Variants in SHANK2 observed in about 807,000 individuals in gnomAD.
The protein encoded by SHANK2 is SH3 and multiple ankyrin repeat domains protein 2.
SHANK2 carries 43 observed loss-of-function variants against 133.7 expected under a neutral mutation model. The observed-to-expected ratio is 0.32, with a 90% CI of 0.25 to 0.41. SHANK2 has a LOEUF of 0.41. SHANK2 is among the 10% of genes least tolerant of loss of function. SHANK2 has a pLI of 1.00. For synonymous variants in SHANK2, 1,017 were observed against 952.8 expected (o/e 1.07, Z -1.24); for missense variants, 1,994 against 2,235.8 (o/e 0.89, Z 2.18).
At chr11:70,501,381 G>A (rs2059048465) in intron 20 of SHANK2, among the ~76,000 whole-genome samples, 1 of 152,242 alleles carries the variant, frequency 6.6e-6, no homozygotes. Flanking sequence ...GAGAGCACCA[G>A]CCAGGGCTTG....
intron 17 of SHANK2, among the ~76,000 whole-genome samples, chr11:70,579,547 G>A (rs1394664232): frequency 2.6e-5 from 4 of 152,128 alleles, no homozygotes; most frequent in African/African-American, 9.7e-5. Context: ...AGGCCTGGGC[G>A]GTGATGGCAT....
At chr11:70,792,372 C>G (rs998872828) in intron 14 of SHANK2, among the ~76,000 whole-genome samples, 1 of 148,856 alleles carries the variant, frequency 6.7e-6, no homozygotes, top group Admixed American at 6.8e-5. Flanking sequence ...ATTAACCAAC[C>G]AACCAACCAA....
At chr11:71,085,675 AT>A (rs1489877343) in intron 8 of SHANK2, among the ~76,000 whole-genome samples, 116 of 6,596 alleles carry the variant, frequency 0.018, no homozygotes, top group Admixed American at 0.039. Flanking sequence ...TATATGTTAT[AT>A]ATATAATATA....
Position 70,472,766 on chromosome 11 carries a change from G to T in SHANK2, c.*103C>A. 1 of 1,135,472 alleles carries T rather than the reference G, an allele frequency of 8.8e-7. No individual in the cohort carries two copies. Among genetic ancestry groups the T allele is most frequent in the Non-Finnish European group, 1.3e-6 (1 of 745,742 alleles). 70.3% of individuals were successfully genotyped at this position (1,135,472 alleles called of 1,614,324 possible). A position where few individuals can be genotyped will look rare whatever the true frequency, so the allele number is the denominator to read the frequency against. Reference sequence around the variant, plus strand: ...GGGTACCAGGAGACAAACCCATGGAGTGGGGTTGATGCTCACAGACTTCGC... The same window carrying T: ...GGGTACCAGGAGACAAACCCATGGATTGGGGTTGATGCTCACAGACTTCGC... On this transcript the variant is annotated 3_prime_UTR_variant, in exon 26 of 26. Coordinates refer to ENST00000601538, the MANE Select transcript of SHANK2 (RefSeq NM_012309.5). The surrounding 1 kb of genome is among the most constrained non-coding windows in gnomAD (Gnocchi z 4.4).
Position 71,101,311 on chromosome 11 carries a change from G to A in SHANK2, c.593-6623C>T, listed in dbSNP as rs182260663. Among the ~76,000 whole-genome samples the A allele has an allele frequency of 1.1e-3, 171 of 152,216 alleles. 1 individual carries two copies. Among genetic ancestry groups the A allele is most frequent in the African/African-American group, 3.8e-3 (158 of 41,526 alleles). On this transcript the variant is annotated intron_variant, in intron 6 of 25. Transcript: ENST00000601538. ...GCCGCATTTTCCTTACTGAAGGCAC[G>A]GCACCTCGCTCCATCTAAGAGTCAC...
rs1948128804 is a variant in SHANK2 at position 70,804,969 on chromosome 11, T to C, written c.1663+2033A>G. On this transcript the variant is annotated intron_variant, in intron 13 of 25. Transcript: ENST00000601538. The surrounding 1 kb of genome is among the most constrained non-coding windows in gnomAD (Gnocchi z 4.1). ...CCCACTCCCATGGGCCTCTGCTCTA[T>C]GTCTAAGGGACTGGGGACATGTGCC... Among the ~76,000 whole-genome samples the C allele has an allele frequency of 1.3e-5, 2 of 152,184 alleles. No individual in the cohort carries two copies. Among genetic ancestry groups the C allele is most frequent in the South Asian group, 2.1e-4 (1 of 4,836 alleles).
intron 14 of SHANK2, among the ~76,000 whole-genome samples, chr11:70,743,136 G>C (rs1946565510): frequency 6.6e-6 from 1 of 152,232 alleles, no homozygotes; most frequent in South Asian, 2.1e-4. Flanking sequence ...CAGGGCGGGG[G>C]CTGGAGGGGA....
In SHANK2 at chr11:70,569,583, C is replaced by G. The variant is rs1180876704; in HGVS notation, c.2062-66652G>C. ...CCCTCTCCTTTCTGTGGCCCCTCCC[C>G]ACGTGGAGGATACCGAGGAGGTTAG... is the stretch of plus-strand genomic sequence containing the variant. On this transcript the variant is annotated intron_variant, in intron 17 of 25. Coordinates refer to ENST00000601538, the MANE Select transcript of SHANK2 (RefSeq NM_012309.5). This position sits in a 1 kb window ranked among gnomAD's most constrained non-coding sequence, Gnocchi z 5.1. 2.0e-5 allele frequency among the ~76,000 whole-genome samples: 3 copies of G among 152,144 alleles called. No individual in the cohort carries two copies. In the South Asian group the frequency reaches 6.2e-4, roughly 32 times the overall value.
At position 71,113,313 on chromosome 11, in the gene SHANK2, A is replaced by G. The variant is rs369780375; in HGVS notation, c.463T>C (p.Leu155=). The stretch of plus-strand genomic sequence containing the variant: ...CATACCTTCGTGTGGAGCTTGGCCA[A>G]CTGTTTCTCATCGAGACTGGCTTGT... ...YKQASLDEKQ[L]AKLHTKTNLK... is the part of the protein sequence containing the mutation. The change falls in exon 5 of 26, where the codon TTG becomes CTG. Residue 155 remains leucine (L), a synonymous_variant. Coordinates refer to ENST00000601538, the MANE Select transcript of SHANK2 (RefSeq NM_012309.5). 1.3e-6 allele frequency: 2 copies of G among 1,551,668 alleles called. No individual in the cohort carries two copies. Among genetic ancestry groups the G allele is most frequent in the Non-Finnish European group, 8.7e-7 (1 of 1,146,980 alleles).
chr11:70,830,784 G>A lies in SHANK2; in HGVS notation c.1175-10102C>T, dbSNP rs1159838825. On this transcript the variant is annotated intron_variant, in intron 11 of 25. Coordinates refer to ENST00000601538, the MANE Select transcript of SHANK2 (RefSeq NM_012309.5). The surrounding 1 kb of genome is among the most constrained non-coding windows in gnomAD (Gnocchi z 4.4). Reference sequence around the variant, plus strand: ...GGTCCCTGAGACCAGCAGCAAGGCTGTCAGATGAGACAGACGAGGTTCAGA... The same window carrying A: ...GGTCCCTGAGACCAGCAGCAAGGCTATCAGATGAGACAGACGAGGTTCAGA... Among the ~76,000 whole-genome samples, 1 of 152,234 alleles carries A rather than the reference G, an allele frequency of 6.6e-6. No homozygotes were observed. Among genetic ancestry groups the A allele is most frequent in the African/African-American group, 2.4e-5 (1 of 41,466 alleles).
At chr11:70,710,680 A>G (rs12295794) in intron 14 of SHANK2, among the ~76,000 whole-genome samples, 4,119 of 152,298 alleles carry the variant, frequency 0.027, 200 homozygotes, top group African/African-American at 0.094. Flanking sequence ...GGCCAGTCCC[A>G]TAGACTCAGG....
At chr11:70,736,758 C>T (rs1486256800) in intron 14 of SHANK2, among the ~76,000 whole-genome samples, 3 of 152,142 alleles carry the variant, frequency 2.0e-5, no homozygotes, top group African/African-American at 7.2e-5. Flanking sequence ...CCCCGCCACG[C>T]ACCCCAACAC....
chr11:70,770,265 C>T (rs868981754), intron 14 of SHANK2, among the ~76,000 whole-genome samples: 2 of 152,362 alleles, frequency 1.3e-5, no homozygotes, highest in Middle Eastern at 3.4e-3. Context: ...TGGGAATCAG[C>T]ACCACCAGAC....
intron 1 of SHANK2, among the ~76,000 whole-genome samples, chr11:71,233,163 A>G (rs2135775507): frequency 6.6e-6 from 1 of 151,984 alleles, no homozygotes; most frequent in Non-Finnish European, 1.5e-5. Flanking sequence ...AAAAAAGTGT[A>G]TATGAATGTT....
intron 17 of SHANK2, among the ~76,000 whole-genome samples, chr11:70,610,690 TG>T (rs2060646439): frequency 6.6e-6 from 1 of 152,146 alleles, no homozygotes; most frequent in Non-Finnish European, 1.5e-5. Flanking sequence ...GAGAATTCCG[TG>T]GGGCAGCCGG....
chr11:70,751,329 T>C (rs1555037396), intron 14 of SHANK2, among the ~76,000 whole-genome samples: 1 of 152,262 alleles, frequency 6.6e-6, no homozygotes, highest in African/African-American at 2.4e-5. Flanking sequence ...CAGGAATTAC[T>C]GCAGATTCCT....
intron 17 of SHANK2, among the ~76,000 whole-genome samples, chr11:70,568,845 CT>C (rs1187920371): frequency 3.3e-5 from 5 of 152,254 alleles, no homozygotes; most frequent in Middle Eastern, 3.4e-3. Flanking sequence ...AGACAGCCCC[CT>C]CCTTCCTTTC....
chr11:70,799,374 G>A (rs529207782), intron 13 of SHANK2, among the ~76,000 whole-genome samples: 1 of 152,018 alleles, frequency 6.6e-6, no homozygotes, highest in East Asian at 1.9e-4. Context: ...TGCACTCACA[G>A]CCTGGGTGAC....
At chr11:71,059,668 G>A (rs1053549433) in intron 9 of SHANK2, among the ~76,000 whole-genome samples, 5 of 152,176 alleles carry the variant, frequency 3.3e-5, no homozygotes, top group Non-Finnish European at 5.9e-5. Flanking sequence ...ACCCCATGAT[G>A]GTGATTATTA....
Sources: allele counts gnomAD v4.1 joint callset (sites outside exome capture counted in the v4.1 genomes callset), GRCh38; gene constraint gnomAD v4.1.1; non-coding constraint Gnocchi (gnomAD v3.1); transcripts MANE v1.5; gene names NCBI Gene and HGNC (gene_info 2026-07-23, HGNC 2026-07-21).